The following RBCK1 variants were observed in gnomAD, a reference collection of about 807,000 sequenced individuals.
The protein encoded by RBCK1 is RANBP2-type and C3HC4-type zinc finger containing 1, also known as ranBP-type and C3HC4-type zinc finger-containing protein 1.
Under a neutral mutation model 71.1 loss-of-function variants are expected in RBCK1, and 44 were observed. The observed-to-expected ratio is 0.62, with a 90% confidence interval of 0.49 to 0.80. RBCK1 has a LOEUF of 0.80. Among genes scored for constraint, RBCK1 ranks in the 30% least tolerant of loss-of-function variants. The probability of loss-of-function intolerance (pLI) is 0.00; values close to 1 mark genes in which losing one functional copy is unlikely to be tolerated. For missense variants in RBCK1, 569 were observed against 685.0 expected, an observed-to-expected ratio of 0.83 and a Z score of 1.89; for synonymous variants, 306 against 279.7, an observed-to-expected ratio of 1.09 and a Z score of -0.94.
At chr20:429,906 C>T (rs1416837704) in intron 11 of RBCK1, among the ~76,000 whole-genome samples, 1 of 152,198 alleles carries the variant, frequency 6.6e-6, no homozygotes, top group Non-Finnish European at 1.5e-5. Flanking sequence ...GATAGCTGGG[C>T]TTATCTCAGG....
In RBCK1 at chr20:427,423, C is replaced by T; in HGVS notation, c.1140C>T (p.Cys380=). Residue 380 remains cysteine (C), a synonymous_variant, in exon 9 of 12, where the codon TGC becomes TGT. Transcript: ENST00000356286. The part of the protein sequence containing the change: ...HCKTPDCKGW[C]FFEDDVNEFT... ...AGACCCCAGATTGCAAGGGATGGTG[C>T]TTCTTTGAGGATGATGTCAATGAGT... 3 of 1,614,166 alleles carry T rather than the reference C, an allele frequency of 1.9e-6. No individual in the cohort carries two copies. The highest frequency in any genetic ancestry group is 2.5e-6 in the Non-Finnish European group (3 of 1,180,040).
At position 420,584 on chromosome 20, in the gene RBCK1, T is replaced by C. The variant is rs771777007; in HGVS notation, c.757-287T>C. 6.0e-3 allele frequency: 5,813 copies of C among 966,544 alleles called. 33 individuals carry two copies. The highest frequency in any genetic ancestry group is 6.7e-3 in the Non-Finnish European group (5,508 of 822,136). The allele number at this position is 966,544 out of a possible 1,614,324, so 59.9% of individuals were successfully genotyped here. A position where few individuals can be genotyped will look rare whatever the true frequency, so the allele number is the denominator to read the frequency against. Reference sequence around the variant, plus strand: ...TCACCTGGCGCCTTCCGTGGCTACCTGGCCGGCCTCCCCTCCCTTGGCTTC... The same window carrying C: ...TCACCTGGCGCCTTCCGTGGCTACCCGGCCGGCCTCCCCTCCCTTGGCTTC... On this transcript the variant is annotated intron_variant, in intron 6 of 11. Transcript: ENST00000356286.
chr20:410,827 G>A (rs890729280), intron 2 of RBCK1: 2 of 353,314 alleles, frequency 5.7e-6, no homozygotes, highest in Non-Finnish European at 1.0e-5. Context: ...CTGATTTTTG[G>A]TTCTCTTGGT....
In RBCK1 at chr20:422,018, T is replaced by G; in HGVS notation, c.918-109T>G. On this transcript the variant is annotated intron_variant, in intron 7 of 11. Transcript: ENST00000356286. This position sits in a 1 kb window ranked among gnomAD's most constrained non-coding sequence, Gnocchi z 5.0. ...AGGAGATATTGAGGAGAAGTCCACCTGGGGTGACTGAGTGAGGCCCCTGGG... is the reference window on the plus strand; with the variant it reads ...AGGAGATATTGAGGAGAAGTCCACCGGGGGTGACTGAGTGAGGCCCCTGGG... The G allele has an allele frequency of 1.3e-6, 1 of 759,856 alleles. No homozygotes were observed. Among genetic ancestry groups the G allele is most frequent in the Non-Finnish European group, 2.2e-6 (1 of 455,936 alleles). The allele number at this position is 759,856 out of a possible 1,614,324, so 47.1% of individuals were successfully genotyped here. A position where few individuals can be genotyped will look rare whatever the true frequency, so the allele number is the denominator to read the frequency against.
chr20:426,816 CTTTTTT>C (rs768525416), intron 8 of RBCK1, among the ~76,000 whole-genome samples: 47 of 95,498 alleles, frequency 4.9e-4, no homozygotes, highest in African/African-American at 1.7e-3. Flanking sequence ...TTTTCTTTTC[CTTTTTT>C]TTTTTTTTTT....
intron 2 of RBCK1, 117 bp downstream of exon 2, chr20:410,142 A>G: frequency 8.7e-7 from 1 of 1,155,662 alleles, no homozygotes; most frequent in Non-Finnish European, 1.2e-6. Flanking sequence ...TTCTAACCCT[A>G]GTTATGTCAT....
chr20:417,496 C>T lies in RBCK1; in HGVS notation c.168-30C>T, dbSNP rs1424311153. 13 of 1,606,366 alleles carry T rather than the reference C, an allele frequency of 8.1e-6. No individual in the cohort carries two copies. The highest frequency in any genetic ancestry group is 1.1e-5 in the Non-Finnish European group (13 of 1,175,152). On this transcript the variant is annotated intron_variant, in intron 2 of 11. Transcript: ENST00000356286. The surrounding 1 kb of genome is among the most constrained non-coding windows in gnomAD (Gnocchi z 4.7). ...GCTGAGGCTGGACCCCTGGCCAGAG[C>T]CCATGCTGAGCCCCTGCTGTTCTCT... is the stretch of plus-strand genomic sequence containing the variant.
chr20:425,307 A>G (rs571132743), intron 8 of RBCK1, among the ~76,000 whole-genome samples: 43 of 152,242 alleles, frequency 2.8e-4, no homozygotes, highest in African/African-American at 1.0e-3. Context: ...CACCGTGCCC[A>G]GCCAGATATG....
chr20:428,369 C>G lies in RBCK1; in HGVS notation c.1210-122C>G. On this transcript the variant is annotated intron_variant, in intron 9 of 11. Transcript: ENST00000356286. The surrounding 1 kb of genome is among the most constrained non-coding windows in gnomAD (Gnocchi z 5.7). ...GGCTTATGCATTACAAAGTGAGGTC[C>G]TGCCAGTGACTACACCTAGAGGCAT... The G allele has an allele frequency of 1.7e-6, 1 of 603,150 alleles. No homozygotes were observed. 37.4% of individuals were successfully genotyped at this position (603,150 alleles called of 1,614,324 possible).
intron 8 of RBCK1, among the ~76,000 whole-genome samples, chr20:426,931 T>G (rs1033298711): frequency 2.1e-5 from 3 of 144,860 alleles, no homozygotes; most frequent in African/African-American, 7.6e-5. Context: ...GCTCAAGCGA[T>G]CCTCACAACC....
At position 411,416 on chromosome 20, in the gene RBCK1, G is replaced by A. The variant is rs140516101; in HGVS notation, c.167+1391G>A. The stretch of plus-strand genomic sequence containing the variant: ...GGAGTCTCACTCTGTCCCCCAGGCT[G>A]GAGTGCAGTGGCGCGATCTCAGCTC... On this transcript the variant is annotated intron_variant, in intron 2 of 11. Transcript: ENST00000356286. 9.7e-4 allele frequency among the ~76,000 whole-genome samples: 148 copies of A among 152,162 alleles called. No individual in the cohort carries two copies. The Middle Eastern group carries it at 0.024, about 24-fold the overall frequency.
rs1235060839 is a variant in RBCK1, at chr20:417,814, A to G, written c.344A>G (p.His115Arg). Residue 115 changes from histidine to arginine, a missense_variant, in exon 4 of 12, where the codon CAC (histidine) becomes CGC (arginine). Physicochemically the swap from His to Arg is conservative, Grantham distance 29. This residue lies in a region of RBCK1 where 358 missense variants were observed against 375.6 expected (regional missense o/e 0.95). Coordinates refer to ENST00000356286, the MANE Select transcript of RBCK1 (RefSeq NM_031229.4). This position sits in a 1 kb window ranked among gnomAD's most constrained non-coding sequence, Gnocchi z 4.7. ...CTGGCACGAGACCAGGAGACCCTGC[A>G]CTCCCATGGGGTGCGGCAGAATGGG... ...QRLARDQETL[H>R]SHGVRQNGDS... The G allele has an allele frequency of 5.6e-6, 9 of 1,613,760 alleles. No individual in the cohort carries two copies. The East Asian group carries it at 2.0e-4, about 36-fold the overall frequency.
Position 408,728 on chromosome 20 carries a change from C to A in RBCK1, c.-30C>A. 1 of 1,612,104 alleles carries A rather than the reference C, an allele frequency of 6.2e-7. No individual in the cohort carries two copies. ...TAGCATTTCCCAGGAGGCACGGTCC[C>A]CCCCAGGGGGATGGGCACAGCCACG... On this transcript the variant is annotated 5_prime_UTR_variant, in exon 1 of 12. Coordinates refer to ENST00000356286, the MANE Select transcript of RBCK1 (RefSeq NM_031229.4).
intron 8 of RBCK1, among the ~76,000 whole-genome samples, chr20:425,074 G>A (rs188217988): frequency 1.1e-4 from 17 of 151,584 alleles, no homozygotes; most frequent in South Asian, 6.3e-4. Context: ...GCAATGGCGC[G>A]ATCTCAGCCC....
At position 408,538 on chromosome 20, in the gene RBCK1, C is replaced by A; in HGVS notation, c.-220C>A. On this transcript the variant is annotated 5_prime_UTR_variant, in exon 1 of 12. Coordinates refer to ENST00000356286, the MANE Select transcript of RBCK1 (RefSeq NM_031229.4). ...GCGGACCTGTCTCGGCGCCCGCTGC[C>A]CTCTCACCGCCCCACGCAGGATCCC... 1 of 620,162 alleles carries A rather than the reference C, an allele frequency of 1.6e-6. No homozygotes were observed. The highest frequency in any genetic ancestry group is 2.9e-6 in the Non-Finnish European group (1 of 349,648). 38.4% of individuals were successfully genotyped at this position (620,162 alleles called of 1,614,324 possible). A position where few individuals can be genotyped will look rare whatever the true frequency, so the allele number is the denominator to read the frequency against.
intron 9 of RBCK1, 91 bp downstream of exon 9, chr20:427,583 T>G: frequency 7.2e-7 from 1 of 1,396,470 alleles, no homozygotes; most frequent in Non-Finnish European, 9.9e-7. Context: ...GGAAGGGAGC[T>G]GTGACACTGG....
rs1157840488 is a variant in RBCK1, at chr20:427,504, A to G, written c.1209+12A>G. The G allele has an allele frequency of 1.2e-6, 2 of 1,611,966 alleles. No individual in the cohort carries two copies. Among genetic ancestry groups the G allele is most frequent in the East Asian group, 2.2e-5 (1 of 44,884 alleles). On this transcript the variant is annotated intron_variant, in intron 9 of 11. Coordinates refer to ENST00000356286, the MANE Select transcript of RBCK1 (RefSeq NM_031229.4). The stretch of plus-strand genomic sequence containing the variant: ...GCCTGCTCTGCAAGGTGGGGCCTGC[A>G]GGGACTCCCCCCACCTAGTCACTGT...
chr20:420,816 TCTGACCCGCCCCCGAGGCC>T (rs1018548036), intron 6 of RBCK1, 36 bp from the exon 7 acceptor site: 49 of 1,473,708 alleles, frequency 3.3e-5, no homozygotes, highest in East Asian at 1.5e-4. Context: ...CCCTTCGGGG[TCTGACCCGCCCCCGAGGCC>T]CTGACCCGCC....
Position 431,284 on chromosome 20 carries a change from C to T in RBCK1, c.*854C>T, listed in dbSNP as rs2017005975. Reference sequence around the variant, plus strand: ...CTCCTGCTCCCTTTTGACCTCTCAGCAGGCATCTAGGGTTGGCAGGTAGAT... The same window carrying T: ...CTCCTGCTCCCTTTTGACCTCTCAGTAGGCATCTAGGGTTGGCAGGTAGAT... On this transcript the variant is annotated 3_prime_UTR_variant, in exon 12 of 12. Coordinates refer to ENST00000356286, the MANE Select transcript of RBCK1 (RefSeq NM_031229.4). This position sits in a 1 kb window ranked among gnomAD's most constrained non-coding sequence, Gnocchi z 4.8. 6.6e-6 allele frequency among the ~76,000 whole-genome samples: 1 copy of T among 152,092 alleles called. No individual in the cohort carries two copies. The highest frequency in any genetic ancestry group is 1.5e-5 in the Non-Finnish European group (1 of 68,024).
Sources: gnomAD v4.1 joint callset for allele counts (sites outside exome capture counted in the v4.1 genomes callset) on GRCh38, gnomAD v4.1.1 for gene constraint, gnomAD v4.1.1 regional missense constraint, Gnocchi (gnomAD v3.1) non-coding constraint, MANE v1.5 for transcripts, NCBI Gene and HGNC (gene_info 2026-07-23, HGNC 2026-07-21) for gene names.